The following STT3A variants were observed in gnomAD, a reference collection of about 807,000 sequenced individuals.
STT3A encodes STT3 oligosaccharyltransferase complex catalytic subunit A.
In STT3A, 34 loss-of-function variants were observed where a neutral mutation model predicts 89.2. That is an observed-to-expected ratio of 0.38 (90% CI 0.29 to 0.51). The LOEUF is 0.51. STT3A is among the 20% of genes least tolerant of loss of function. The pLI, the probability that STT3A is intolerant of heterozygous loss-of-function variation, is 0.89. For missense variants in STT3A, 555 were observed against 889.5 expected (o/e 0.62, Z 4.78); for synonymous variants, 282 against 310.3 (o/e 0.91, Z 0.96).
chr11:125,597,184 A>T, intron 3 of STT3A, 65 bp downstream of exon 3: 1 of 1,557,952 alleles, frequency 6.4e-7, no homozygotes, highest in Non-Finnish European at 8.8e-7. Flanking sequence ...TGGGTTTCAG[A>T]TTCAAATTTC....
chr11:125,607,977 G>T lies in STT3A; in HGVS notation c.781-132G>T. ...GGTGAATTAAACCCTTCCCTAGATT[G>T]GCCCTGATTCCTTCGGGGCCTCAGA... On this transcript the variant is annotated intron_variant, in intron 8 of 17. Transcript: ENST00000392708. 3.5e-6 allele frequency: 3 copies of T among 853,606 alleles called. No individual in the cohort carries two copies. In the South Asian group the frequency reaches 6.9e-5, roughly 20 times the overall value. The allele number at this position is 853,606 out of a possible 1,614,324, so 52.9% of individuals were successfully genotyped here.
intron 3 of STT3A, among the ~76,000 whole-genome samples, chr11:125,599,421 T>C (rs1399826793): frequency 1.3e-5 from 2 of 151,882 alleles, no homozygotes; most frequent in Non-Finnish European, 2.9e-5. Context: ...TCTGTCTTCC[T>C]TTTTTTTGGA....
chr11:125,602,055 C>T (rs1220039368), intron 3 of STT3A, among the ~76,000 whole-genome samples: 6 of 152,100 alleles, frequency 3.9e-5, no homozygotes, highest in Middle Eastern at 3.2e-3. Context: ...CCTCGGACTC[C>T]TAAAGTGCTG....
Position 125,614,644 on chromosome 11 carries a change from G to A in STT3A, c.1774+218G>A, listed in dbSNP as rs1026952506. ...AACAATTCTTGTGTAGGTACAGCAT[G>A]CTATATGATTGTCTAAGGCATAGAA... is the stretch of plus-strand genomic sequence containing the variant. On this transcript the variant is annotated intron_variant, in intron 15 of 17. Transcript: ENST00000392708. This position sits in a 1 kb window ranked among gnomAD's most constrained non-coding sequence, Gnocchi z 4.9. Among the ~76,000 whole-genome samples the A allele has an allele frequency of 2.0e-5, 3 of 152,020 alleles. No individual in the cohort carries two copies. The highest frequency in any genetic ancestry group is 1.3e-4 in the Admixed American group (2 of 15,262).
At position 125,606,233 on chromosome 11, in the gene STT3A, C is replaced by G. The variant is rs1939832554; in HGVS notation, c.616-68C>G. 9 of 1,421,712 alleles carry G rather than the reference C, an allele frequency of 6.3e-6. No homozygotes were observed. In the South Asian group the frequency reaches 1.0e-4, roughly 16 times the overall value. The allele number at this position is 1,421,712 out of a possible 1,614,324, so 88.1% of individuals were successfully genotyped here. A position where few individuals can be genotyped will look rare whatever the true frequency, so the allele number is the denominator to read the frequency against. ...TCTTTAAAGAGTCACAGGTGATATC[C>G]TACAATATAGTGGTGGTGGTCTGAG... is the stretch of plus-strand genomic sequence containing the variant. On this transcript the variant is annotated intron_variant, in intron 7 of 17. Coordinates refer to ENST00000392708, the MANE Select transcript of STT3A (RefSeq NM_152713.5).
chr11:125,608,446 C>G (rs1007027301), intron 9 of STT3A, 157 bp downstream of exon 9: 35 of 722,996 alleles, frequency 4.8e-5, no homozygotes, highest in Non-Finnish European at 6.3e-5. Context: ...TCCTGAGTAG[C>G]TGGGATTACA....
At chr11:125,610,500 C>T (rs992744288) in intron 10 of STT3A, among the ~76,000 whole-genome samples, 3 of 152,020 alleles carry the variant, frequency 2.0e-5, no homozygotes, top group African/African-American at 7.3e-5. Flanking sequence ...GAGAAGATCA[C>T]TTAAGGTCAG....
intron 10 of STT3A, among the ~76,000 whole-genome samples, chr11:125,610,057 CTTTTTTTTTTTTT>C (rs66578574): frequency 0.38 from 40,977 of 108,360 alleles, 6,177 homozygotes; most frequent in East Asian, 0.53. Context: ...TAACTTTTAC[CTTTTTTTTTTTTT>C]TTTTTTTTTT....
At chr11:125,592,607 G>A, upstream of STT3A, 2 of 404,684 alleles carry the variant, frequency 4.9e-6, no homozygotes, top group South Asian at 3.5e-5. Flanking sequence ...ACTGCTTGGG[G>A]CACGTTCTTT....
rs376205783 is a variant in STT3A at position 125,608,239 on chromosome 11, C to T, written c.911C>T (p.Ser304Phe). Residue 304 changes from serine to phenylalanine, a missense_variant, in exon 9 of 18, where the codon TCT (serine) becomes TTT (phenylalanine). This residue lies in a region of STT3A where 149 missense variants were observed against 206.2 expected (regional missense o/e 0.72). Transcript: ENST00000392708. Reference sequence around the variant, plus strand: ...GAAGTTCTTTTCCGGAGCGTCATCTCTCTGGTAGGCTTTGTCCTTCTCACC... The same window carrying T: ...GAAGTTCTTTTCCGGAGCGTCATCTTTCTGGTAGGCTTTGTCCTTCTCACC... ...QFEVLFRSVI[S>F]LVGFVLLTVG... The T allele has an allele frequency of 1.9e-6, 3 of 1,614,070 alleles. No individual in the cohort carries two copies. The African/African-American group carries it at 4.0e-5, about 22-fold the overall frequency.
rs1366398011 is a variant in STT3A, at chr11:125,621,244, G to A, written c.*434G>A. 1 of 156,812 alleles carries A rather than the reference G, an allele frequency of 6.4e-6. No homozygotes were observed. The highest frequency in any genetic ancestry group is 6.4e-5 in the Admixed American group (1 of 15,704). The allele number at this position is 156,812 out of a possible 1,614,324, so 9.7% of individuals were successfully genotyped here. A position where few individuals can be genotyped will look rare whatever the true frequency, so the allele number is the denominator to read the frequency against. ...AATTCAGATCCTACATTTACAGACAGTTTTGTCATAACCCTTTGCATTGCA... is the reference window on the plus strand; with the variant it reads ...AATTCAGATCCTACATTTACAGACAATTTTGTCATAACCCTTTGCATTGCA... On this transcript the variant is annotated 3_prime_UTR_variant, in exon 18 of 18. Transcript: ENST00000392708.
chr11:125,613,983 T>C lies in STT3A; in HGVS notation c.1555-104T>C, dbSNP rs1940096530. ...TTACTTTGTGAAGAAATTGATTAGT[T>C]AGCCAGGTGTCACTTCTGTCAGACC... is the stretch of plus-strand genomic sequence containing the variant. On this transcript the variant is annotated intron_variant, in intron 13 of 17. Transcript: ENST00000392708. The surrounding 1 kb of genome is among the most constrained non-coding windows in gnomAD (Gnocchi z 4.2). 3 of 920,410 alleles carry C rather than the reference T, an allele frequency of 3.3e-6. No homozygotes were observed. Among genetic ancestry groups the C allele is most frequent in the African/African-American group, 3.3e-5 (2 of 60,536 alleles). 57.0% of individuals were successfully genotyped at this position (920,410 alleles called of 1,614,324 possible).
At position 125,607,027 on chromosome 11, in the gene STT3A, G is replaced by A. The variant is rs543388504; in HGVS notation, c.780+562G>A. Among the ~76,000 whole-genome samples the A allele has an allele frequency of 5.9e-5, 9 of 152,304 alleles. 1 individual carries two copies. The highest frequency in any genetic ancestry group is 4.1e-4 in the South Asian group (2 of 4,834). ...GCAGATTGTCCCCAACTTATGAAGC[G>A]TGACTTAGGATTTTTTGGCTTTAGA... On this transcript the variant is annotated intron_variant, in intron 8 of 17. Transcript: ENST00000392708.
chr11:125,596,133 G>A, intron 2 of STT3A, 130 bp downstream of exon 2: 1 of 751,244 alleles, frequency 1.3e-6, no homozygotes, highest in South Asian at 1.8e-5. Context: ...TTCCTCATTA[G>A]TATAATTTTA....
intron 6 of STT3A, 35 bp from the exon 7 acceptor site, chr11:125,605,594 C>T: frequency 6.7e-7 from 1 of 1,501,124 alleles, no homozygotes; most frequent in East Asian, 2.3e-5. Flanking sequence ...ACTAGCCTGG[C>T]CTCTTGTTGA....
intron 12 of STT3A, 93 bp downstream of exon 12, chr11:125,612,840 G>A (rs1940067796): frequency 2.0e-6 from 3 of 1,537,696 alleles, no homozygotes; most frequent in Admixed American, 1.8e-5. Context: ...GAGTAAAGTA[G>A]AGCACTGTCC....
intron 11 of STT3A, among the ~76,000 whole-genome samples, chr11:125,611,802 A>AT (rs887089020): frequency 3.1e-4 from 35 of 112,978 alleles, no homozygotes; most frequent in Non-Finnish European, 5.8e-4. Context: ...GGGAGATGAT[A>AT]TTTTTTTCTT....
intron 15 of STT3A, among the ~76,000 whole-genome samples, chr11:125,616,839 G>A (rs1351577109): frequency 3.9e-5 from 6 of 151,990 alleles, no homozygotes; most frequent in Admixed American, 2.6e-4. Context: ...CACCATGCCC[G>A]GCCAATTTTT....
At position 125,605,741 on chromosome 11, in the gene STT3A, T is replaced by C. The variant is rs767197223; in HGVS notation, c.615+6T>C. ...CCCTTGCTTATTTCTACATGGTAAC[T>C]TTTTCTACATGTTTTCAATTTTTAA... On this transcript the variant is annotated splice_donor_region_variant and intron_variant, in intron 7 of 17. Coordinates refer to ENST00000392708, the MANE Select transcript of STT3A (RefSeq NM_152713.5). 29 of 1,607,988 alleles carry C rather than the reference T, an allele frequency of 1.8e-5. No individual in the cohort carries two copies. In the African/African-American group the frequency reaches 3.5e-4, roughly 19 times the overall value.
Sources: gnomAD v4.1 joint callset for allele counts (sites outside exome capture counted in the v4.1 genomes callset) on GRCh38, gnomAD v4.1.1 for gene constraint, gnomAD v4.1.1 regional missense constraint, Gnocchi (gnomAD v3.1) non-coding constraint, MANE v1.5 for transcripts, NCBI Gene and HGNC (gene_info 2026-07-23, HGNC 2026-07-21) for gene names.